MGMT: variants seen among roughly 807,000 people sequenced by gnomAD.
MGMT encodes O-6-methylguanine-DNA methyltransferase.
MGMT carries 14 observed loss-of-function variants against 15.9 expected under a neutral mutation model. The ratio of observed to expected loss-of-function variants is 0.88; its 90% confidence interval spans 0.58 to 1.37. The LOEUF is 1.37. Ranked by LOEUF, MGMT falls within the 40% of genes most tolerant of loss-of-function variation. The probability of loss-of-function intolerance (pLI) is 0.00; values close to 1 mark genes in which losing one functional copy is unlikely to be tolerated. For synonymous variants in MGMT, 130 were observed against 118.2 expected, an observed-to-expected ratio of 1.10 and a Z score of -0.65; for missense variants, 282 against 268.1, an observed-to-expected ratio of 1.05 and a Z score of -0.36.
At chr10:129,613,556 T>C (rs1448155224) in intron 2 of MGMT, among the ~76,000 whole-genome samples, 1 of 152,240 alleles carries the variant, frequency 6.6e-6, no homozygotes, top group Admixed American at 6.5e-5. Context: ...GTAGTTGGGC[T>C]GACCCTCAAA....
At chr10:129,719,059 G>T (rs1281606071) in intron 3 of MGMT, among the ~76,000 whole-genome samples, 3 of 150,134 alleles carry the variant, frequency 2.0e-5, no homozygotes, top group African/African-American at 7.4e-5. Context: ...GCGTGTCACC[G>T]TCCCAGGCTG....
At chr10:129,688,143 G>A (rs75976267) in intron 2 of MGMT, among the ~76,000 whole-genome samples, 1 of 152,176 alleles carries the variant, frequency 6.6e-6, no homozygotes, top group Non-Finnish European at 1.5e-5. Flanking sequence ...TAGTGCCACA[G>A]TAAACATACG....
chr10:129,538,146 T>C (rs960390574), intron 2 of MGMT, among the ~76,000 whole-genome samples: 7 of 152,340 alleles, frequency 4.6e-5, no homozygotes, highest in South Asian at 4.1e-4. Context: ...CATTTTATCA[T>C]TTTTAAAATT....
intron 2 of MGMT, among the ~76,000 whole-genome samples, chr10:129,568,010 G>A (rs1191795540): frequency 6.6e-6 from 1 of 152,180 alleles, no homozygotes; most frequent in African/African-American, 2.4e-5. Flanking sequence ...AAGATATTAG[G>A]CAGTGTTGCA....
intron 2 of MGMT, among the ~76,000 whole-genome samples, chr10:129,695,049 G>C (rs1044093658): frequency 6.6e-6 from 1 of 152,164 alleles, no homozygotes; most frequent in Non-Finnish European, 1.5e-5. Flanking sequence ...TGTTTTAAGA[G>C]TTTCAATTCA....
In MGMT at chr10:129,769,778, G is replaced by T. The variant is rs1445100344; in HGVS notation, c.*2781G>T. Among the ~76,000 whole-genome samples the T allele has an allele frequency of 2.6e-5, 4 of 152,214 alleles. No individual in the cohort carries two copies. Among genetic ancestry groups the T allele is most frequent in the Admixed American group, 1.3e-4 (2 of 15,288 alleles). On this transcript the variant is annotated 3_prime_UTR_variant, in exon 5 of 5. Transcript: ENST00000651593. ...TCCACGTGTCCTGTGGCCGCCTCCAGTGGTGAGTCTGTGAGGCCAGAGAAG... is the reference window on the plus strand; with the variant it reads ...TCCACGTGTCCTGTGGCCGCCTCCATTGGTGAGTCTGTGAGGCCAGAGAAG...
chr10:129,630,831 G>A (rs756599652), intron 2 of MGMT, among the ~76,000 whole-genome samples: 10 of 152,208 alleles, frequency 6.6e-5, no homozygotes, highest in Admixed American at 1.3e-4. Context: ...TTGCACTAAC[G>A]TGCTCCTACT....
intron 1 of MGMT, among the ~76,000 whole-genome samples, chr10:129,498,876 G>C (rs572067626): frequency 6.6e-6 from 1 of 152,092 alleles, no homozygotes; most frequent in Non-Finnish European, 1.5e-5. Context: ...TTCTCAGTAG[G>C]GGGAGCTAGG....
intron 2 of MGMT, among the ~76,000 whole-genome samples, chr10:129,581,074 T>A (rs185558459): frequency 1.3e-5 from 2 of 152,192 alleles, no homozygotes; most frequent in African/African-American, 4.8e-5. Context: ...ATAATGATGC[T>A]ACTTTGTAAG....
chr10:129,602,261 TGTGA>T (rs1467942414), intron 2 of MGMT, among the ~76,000 whole-genome samples: 7 of 152,196 alleles, frequency 4.6e-5, no homozygotes, highest in African/African-American at 9.6e-5. Context: ...AAGAAAATGT[TGTGA>T]GTGTCACTTT....
chr10:129,614,341 A>T (rs496338), intron 2 of MGMT, among the ~76,000 whole-genome samples: 130,727 of 152,186 alleles, frequency 0.86, 56,283 homozygotes, highest in Non-Finnish European at 0.87. Flanking sequence ...GATCGTCACA[A>T]GCCGTCTAAG....
chr10:129,646,003 G>A (rs376653633), intron 2 of MGMT, among the ~76,000 whole-genome samples: 5 of 152,250 alleles, frequency 3.3e-5, no homozygotes, highest in African/African-American at 4.8e-5. Context: ...TGACCAAGTC[G>A]TTTCCTTCCT....
intron 3 of MGMT, among the ~76,000 whole-genome samples, chr10:129,746,725 T>C (rs1848700262): frequency 6.6e-6 from 1 of 152,210 alleles, no homozygotes; most frequent in African/African-American, 2.4e-5. Flanking sequence ...CCTTTGCAAA[T>C]ACATAATTAT....
intron 3 of MGMT, among the ~76,000 whole-genome samples, chr10:129,724,128 T>C (rs1848406077): frequency 1.3e-5 from 2 of 152,222 alleles, no homozygotes; most frequent in Admixed American, 1.3e-4. Context: ...GAATTGCTTG[T>C]ATGTCCATCT....
intron 2 of MGMT, among the ~76,000 whole-genome samples, chr10:129,629,365 A>G (rs111901219): frequency 6.6e-6 from 1 of 152,164 alleles, no homozygotes; most frequent in African/African-American, 2.4e-5. Context: ...CACACTGGGG[A>G]TGTGCTGTGT....
intron 2 of MGMT, among the ~76,000 whole-genome samples, chr10:129,637,600 A>G (rs1308459316): frequency 6.6e-6 from 1 of 152,184 alleles, no homozygotes; most frequent in Non-Finnish European, 1.5e-5. Context: ...CCAAATTCAC[A>G]TGTTGGAGCC....
chr10:129,526,609 C>A (rs1845873428), intron 1 of MGMT, among the ~76,000 whole-genome samples: 1 of 152,204 alleles, frequency 6.6e-6, no homozygotes, highest in Non-Finnish European at 1.5e-5. Flanking sequence ...ATTCTCCCAC[C>A]TCCGCCTCTG....
In MGMT at chr10:129,551,734, A is replaced by T. The variant is rs186382158; in HGVS notation, c.125+15357A>T. ...CCAGACCCCACCACTGGGTGCAGTGATCAAAACCAAAATATCAAACCAGCA... is the reference window on the plus strand; with the variant it reads ...CCAGACCCCACCACTGGGTGCAGTGTTCAAAACCAAAATATCAAACCAGCA... On this transcript the variant is annotated intron_variant, in intron 2 of 4. Coordinates refer to ENST00000651593, the MANE Select transcript of MGMT (RefSeq NM_002412.5). Among the ~76,000 whole-genome samples, 4 of 152,282 alleles carry T rather than the reference A, an allele frequency of 2.6e-5. No individual in the cohort carries two copies. The East Asian group carries it at 7.7e-4, about 29-fold the overall frequency.
chr10:129,761,707 A>C (rs1479882791), intron 4 of MGMT, among the ~76,000 whole-genome samples: 1 of 152,186 alleles, frequency 6.6e-6, no homozygotes, highest in African/African-American at 2.4e-5. Flanking sequence ...CCAAGACTGG[A>C]GGTGAGCACA....
Sources: allele counts gnomAD v4.1 joint callset (sites outside exome capture counted in the v4.1 genomes callset), GRCh38; gene constraint gnomAD v4.1.1; transcripts MANE v1.5; gene names NCBI Gene and HGNC (gene_info 2026-07-23, HGNC 2026-07-21).